Variants in ADGRA3 observed in about 807,000 individuals in gnomAD.
The protein encoded by ADGRA3 is G-protein coupled receptor 125.
In ADGRA3, 56 loss-of-function variants were observed where a neutral mutation model predicts 119.8. The observed-to-expected ratio is 0.47, with a 90% CI of 0.38 to 0.58. The LOEUF is 0.58. ADGRA3 is among the 20% of genes least tolerant of loss of function. The pLI, the probability that ADGRA3 is intolerant of heterozygous loss-of-function variation, is 0.00. For missense variants in ADGRA3, 1,516 were observed against 1,649.0 expected, an observed-to-expected ratio of 0.92 and a Z score of 1.40; for synonymous variants, 607 against 623.8, an observed-to-expected ratio of 0.97 and a Z score of 0.40.
At position 22,421,032 on chromosome 4, in the gene ADGRA3, T is replaced by C. The variant is rs199947143; in HGVS notation, c.1663A>G (p.Met555Val). The C allele has an allele frequency of 1.9e-6, 3 of 1,614,010 alleles. No individual in the cohort carries two copies. Among genetic ancestry groups the C allele is most frequent in the African/African-American group, 1.3e-5 (1 of 75,004 alleles). ...YVIKSTGFTG[M>V]TCTVFQKVAA... Reference sequence around the variant, plus strand: ...ACTTTCTGGAACACGGTACAGGTCATCCCCGTGAAGCCAGTAGACTTGATG... The same window carrying C: ...ACTTTCTGGAACACGGTACAGGTCACCCCCGTGAAGCCAGTAGACTTGATG... Residue 555 changes from methionine to valine, a missense_variant, in exon 12 of 19, where the codon ATG becomes GTG. Physicochemically the swap from Met to Val is conservative, Grantham distance 21 (BLOSUM62 1). Transcript: ENST00000334304.
rs908479077 is a variant in ADGRA3 at position 22,516,045 on chromosome 4, TGCC to T, written c.-264_-262del. 53 of 153,940 alleles carry T rather than the reference TGCC, an allele frequency of 3.4e-4. No homozygotes were observed. Among genetic ancestry groups the T allele is most frequent in the Non-Finnish European group, 5.9e-4 (42 of 71,770 alleles). 9.5% of individuals were successfully genotyped at this position (153,940 alleles called of 1,614,324 possible). On this transcript the variant is annotated 5_prime_UTR_variant, in exon 1 of 19. Coordinates refer to ENST00000334304, the MANE Select transcript of ADGRA3 (RefSeq NM_145290.4). ...CGAGCACCGCCTCCTCCTCCTCCTC[TGCC>T]GCCGCCGCCGCCGCCACTGCCTCCT... is the stretch of plus-strand genomic sequence containing the variant.
chr4:22,445,930 T>C (rs756814459), intron 5 of ADGRA3, among the ~76,000 whole-genome samples: 1 of 152,234 alleles, frequency 6.6e-6, no homozygotes, highest in Non-Finnish European at 1.5e-5. Context: ...GCACTGACTA[T>C]TCATGTGCCA....
chr4:22,488,663 C>T (rs1718523191), intron 1 of ADGRA3, among the ~76,000 whole-genome samples: 2 of 152,158 alleles, frequency 1.3e-5, no homozygotes, highest in Non-Finnish European at 2.9e-5. Context: ...GGACATGGGG[C>T]TATCAGAGGG....
chr4:22,406,853 C>T (rs1714953719), intron 14 of ADGRA3, among the ~76,000 whole-genome samples: 1 of 151,886 alleles, frequency 6.6e-6, no homozygotes, highest in South Asian at 2.1e-4. Context: ...TAGTATTAAC[C>T]ATGTAAAACA....
At chr4:22,486,100 C>G (rs1356395363) in intron 1 of ADGRA3, among the ~76,000 whole-genome samples, 1 of 152,178 alleles carries the variant, frequency 6.6e-6, no homozygotes, top group East Asian at 1.9e-4. Flanking sequence ...TCAATCTGAT[C>G]CCATCTGCTT....
chr4:22,409,385 T>C (rs1715092986), intron 14 of ADGRA3, among the ~76,000 whole-genome samples: 1 of 152,142 alleles, frequency 6.6e-6, no homozygotes, highest in Non-Finnish European at 1.5e-5. Flanking sequence ...TAAGAAAGAA[T>C]GAGGAAACTC....
intron 11 of ADGRA3, among the ~76,000 whole-genome samples, chr4:22,421,975 C>A (rs1365820931): frequency 2.0e-5 from 3 of 150,332 alleles, no homozygotes; most frequent in African/African-American, 5.0e-5. Flanking sequence ...AAATATGGCA[C>A]CTGCCCTAGA....
chr4:22,455,921 T>A, intron 3 of ADGRA3: 1 of 773,530 alleles, frequency 1.3e-6, no homozygotes, highest in African/African-American at 1.8e-5. Flanking sequence ...GAATAATTCA[T>A]CACACTTTGA....
intron 1 of ADGRA3, among the ~76,000 whole-genome samples, chr4:22,480,129 G>A (rs1035606132): frequency 1.3e-5 from 2 of 152,076 alleles, no homozygotes; most frequent in African/African-American, 4.8e-5. Context: ...ATGTATCTCA[G>A]CACTTAAAGT....
At chr4:22,459,365 A>G (rs1432983252) in intron 3 of ADGRA3, among the ~76,000 whole-genome samples, 1 of 152,022 alleles carries the variant, frequency 6.6e-6, no homozygotes, top group African/African-American at 2.4e-5. Flanking sequence ...ACAACTAATG[A>G]GTACTAGGCT....
intron 1 of ADGRA3, among the ~76,000 whole-genome samples, chr4:22,475,739 A>G (rs79522994): frequency 2.3e-5 from 2 of 87,696 alleles, no homozygotes; most frequent in South Asian, 8.1e-4. Context: ...AAAAAAAAAT[A>G]AATAAATAAA....
intron 14 of ADGRA3, among the ~76,000 whole-genome samples, chr4:22,409,665 A>G (rs1468256524): frequency 6.6e-6 from 1 of 152,206 alleles, no homozygotes; most frequent in Admixed American, 6.5e-5. Flanking sequence ...ATTGGCCACC[A>G]CTACCACCAT....
intron 1 of ADGRA3, among the ~76,000 whole-genome samples, chr4:22,494,206 G>GAA (rs765015053): frequency 1.5e-4 from 20 of 132,138 alleles, no homozygotes; most frequent in South Asian, 2.4e-4. Context: ...CTCTGTCTCA[G>GAA]AAAAAAAAAA....
At chr4:22,442,093 A>C (rs1357994620) in intron 7 of ADGRA3, among the ~76,000 whole-genome samples, 1 of 152,198 alleles carries the variant, frequency 6.6e-6, no homozygotes, top group Admixed American at 6.6e-5. Flanking sequence ...TCTAAAGGTA[A>C]AAATTTTACC....
At chr4:22,481,973 A>C (rs1718273164) in intron 1 of ADGRA3, among the ~76,000 whole-genome samples, 1 of 152,238 alleles carries the variant, frequency 6.6e-6, no homozygotes, top group Admixed American at 6.5e-5. Context: ...ATTACATTTA[A>C]TCCCACATGG....
rs764946459 is a variant in ADGRA3 at position 22,413,336 on chromosome 4, A to G, written c.2078T>C (p.Ile693Thr). Residue 693 changes from isoleucine to threonine, a missense_variant, in exon 14 of 19, where the codon ATT (isoleucine) becomes ACT (threonine). Ile to Thr is a moderately conservative substitution (Grantham distance 89, BLOSUM62 -1). Around this residue, in one of 2 missense-constraint regions of ADGRA3, gnomAD observed 1,088 missense variants for 1,107.1 expected, o/e 0.98. Transcript: ENST00000334304. ...TGCAACAGCATCTGCTCCATGTGCA[A>G]TTCGACGCAGTGTCACATTAACAGG... ...HIPVNVTLRR[I>T]AHGADAVAAR... The G allele has an allele frequency of 1.9e-6, 3 of 1,613,996 alleles. No homozygotes were observed. The highest frequency in any genetic ancestry group is 2.2e-5 in the East Asian group (1 of 44,880).
At chr4:22,488,356 TAA>T (rs5856699) in intron 1 of ADGRA3, among the ~76,000 whole-genome samples, 80 of 146,260 alleles carry the variant, frequency 5.5e-4, no homozygotes, top group Admixed American at 1.2e-3. Context: ...TATGAAGCTT[TAA>T]AAAAAAAAAA....
chr4:22,388,805 T>A lies in ADGRA3; in HGVS notation c.2866A>T (p.Thr956Ser). 2 of 1,614,124 alleles carry A rather than the reference T, an allele frequency of 1.2e-6. No homozygotes were observed. Among genetic ancestry groups the A allele is most frequent in the South Asian group, 2.2e-5 (2 of 91,086 alleles). The change falls in exon 19 of 19, where the codon ACG becomes TCG. Residue 956 changes from threonine (T) to serine (S), a missense_variant. Coordinates refer to ENST00000334304, the MANE Select transcript of ADGRA3 (RefSeq NM_145290.4). Reference protein sequence around the residue: ...PERKYELKEPTEEQQRLAANE... With the variant: ...PERKYELKEPSEEQQRLAANE... ...GCTGCCAATCTCTGTTGCTCCTCCG[T>A]GGGCTCCTTAAGCTCATATTTGCGC...
chr4:22,439,147 AT>A (rs1403601818), intron 7 of ADGRA3, among the ~76,000 whole-genome samples: 2 of 152,212 alleles, frequency 1.3e-5, no homozygotes, highest in African/African-American at 4.8e-5. Context: ...AAAGAAGATT[AT>A]TACGAATTTA....
Sources: gnomAD v4.1 joint callset for allele counts (sites outside exome capture counted in the v4.1 genomes callset) on GRCh38, gnomAD v4.1.1 for gene constraint, gnomAD v4.1.1 regional missense constraint, MANE v1.5 for transcripts, NCBI Gene and HGNC (gene_info 2026-07-23, HGNC 2026-07-21) for gene names.